Variants in TNS3 observed in about 807,000 individuals in gnomAD.
The protein encoded by TNS3 is tensin-3.
Under a neutral mutation model 140.9 loss-of-function variants are expected in TNS3, and 45 were observed. The ratio of observed to expected loss-of-function variants is 0.32; its 90% confidence interval spans 0.25 to 0.41. The LOEUF (loss-of-function observed/expected upper bound fraction) is 0.41, where lower values mean the gene tolerates loss of function less well. TNS3 is among the 10% of genes least tolerant of loss of function. TNS3 has a pLI of 1.00. For missense variants in TNS3, 1,716 were observed against 1,906.7 expected (o/e 0.90, Z 1.86); for synonymous variants, 815 against 788.4 (o/e 1.03, Z -0.56).
At position 47,511,891 on chromosome 7, in the gene TNS3, A is replaced by C. The variant is rs138142096; in HGVS notation, c.-152-4947T>G. 6.5e-3 allele frequency among the ~76,000 whole-genome samples: 991 copies of C among 152,320 alleles called. 15 individuals are homozygous for C. Among genetic ancestry groups the C allele is most frequent in the African/African-American group, 0.023 (945 of 41,568 alleles). On this transcript the variant is annotated intron_variant, in intron 2 of 30. Coordinates refer to ENST00000311160, the MANE Select transcript of TNS3 (RefSeq NM_022748.12). ...CGCTGCACCTCCCCCTGCAGAAGAC[A>C]CATGCCCTGCTGGCTGGGAGAGGCT...
chr7:47,482,414 T>C (rs1797454765), intron 3 of TNS3, among the ~76,000 whole-genome samples: 1 of 152,188 alleles, frequency 6.6e-6, no homozygotes, highest in Non-Finnish European at 1.5e-5. Flanking sequence ...AGGGGTCCTC[T>C]CTCAGGGCCC....
At chr7:47,575,009 A>G (rs541738176) in intron 1 of TNS3, among the ~76,000 whole-genome samples, 59 of 152,244 alleles carry the variant, frequency 3.9e-4, no homozygotes, top group Non-Finnish European at 6.5e-4. Flanking sequence ...TAAAACGACA[A>G]AGTTCATGTT....
chr7:47,290,880 A>G (rs1463223729), intron 27 of TNS3, among the ~76,000 whole-genome samples: 5 of 152,208 alleles, frequency 3.3e-5, no homozygotes, highest in African/African-American at 7.2e-5. Flanking sequence ...AAACCTGCAC[A>G]TGGGTGTTTA....
At chr7:47,283,509 T>A (rs906585968) in intron 28 of TNS3, among the ~76,000 whole-genome samples, 188 bp downstream of exon 28, 1 of 152,234 alleles carries the variant, frequency 6.6e-6, no homozygotes, top group Non-Finnish European at 1.5e-5. Context: ...AAACAAATGC[T>A]AAGAGTTCCT....
intron 8 of TNS3, among the ~76,000 whole-genome samples, chr7:47,431,488 G>A (rs567672417): frequency 2.0e-5 from 3 of 152,284 alleles, no homozygotes; most frequent in Non-Finnish European, 4.4e-5. Flanking sequence ...AGCTACTAGG[G>A]AGGCTGAGGC....
In TNS3 at chr7:47,580,303, G is replaced by A. The variant is rs114238644; in HGVS notation, c.-265+1748C>T. Among the ~76,000 whole-genome samples the A allele has an allele frequency of 7.8e-3, 1,182 of 152,256 alleles. 22 individuals are homozygous for A. Among genetic ancestry groups the A allele is most frequent in the African/African-American group, 0.027 (1,136 of 41,546 alleles). Reference sequence around the variant, plus strand: ...AGCCTTCCTTTGCCTCAGTTTACTCGTCTGTAAAATGGGGTAATCATAATC... The same window carrying A: ...AGCCTTCCTTTGCCTCAGTTTACTCATCTGTAAAATGGGGTAATCATAATC... On this transcript the variant is annotated intron_variant, in intron 1 of 30. Coordinates refer to ENST00000311160, the MANE Select transcript of TNS3 (RefSeq NM_022748.12).
intron 20 of TNS3, among the ~76,000 whole-genome samples, chr7:47,316,408 A>G (rs1394979615): frequency 1.3e-5 from 2 of 152,150 alleles, no homozygotes; most frequent in Non-Finnish European, 2.9e-5. Context: ...ATCTTCATTT[A>G]CAGACTCACT....
intron 16 of TNS3, among the ~76,000 whole-genome samples, chr7:47,375,129 T>A (rs920365425): frequency 6.6e-6 from 1 of 152,232 alleles, no homozygotes. Context: ...TCAACCCTCA[T>A]TCTGCAAATT....
intron 3 of TNS3, among the ~76,000 whole-genome samples, chr7:47,503,112 C>A (rs192798661): frequency 6.6e-6 from 1 of 152,162 alleles, no homozygotes; most frequent in Non-Finnish European, 1.5e-5. Context: ...TGCGTATGGT[C>A]CCTACGTGGG....
intron 20 of TNS3, among the ~76,000 whole-genome samples, chr7:47,317,897 C>A (rs1179008446): frequency 6.6e-6 from 1 of 152,152 alleles, no homozygotes; most frequent in Non-Finnish European, 1.5e-5. Context: ...GAGGCCACAG[C>A]CACCCACAGC....
In TNS3 at chr7:47,278,113, A is replaced by G. The variant is rs1342683226; in HGVS notation, c.4301T>C (p.Val1434Ala). Residue 1434 changes from valine to alanine, a missense_variant, in exon 31 of 31, where the codon GTA (valine) becomes GCA (alanine). Transcript: ENST00000311160. ...TGGGGAACCAATCATGACCTTTGAT[A>G]CGAAGTTGACAATGGCACTGGCAGG... ...EQPASAIVNF[V>A]SKVMIGSPKK... 6.2e-7 allele frequency: 1 copy of G among 1,614,174 alleles called. No homozygotes were observed. The highest frequency in any genetic ancestry group is 1.1e-5 in the South Asian group (1 of 91,088).
chr7:47,478,523 A>G (rs967012462), intron 4 of TNS3, among the ~76,000 whole-genome samples: 2 of 152,146 alleles, frequency 1.3e-5, no homozygotes, highest in Non-Finnish European at 2.9e-5. Flanking sequence ...CCACATATAT[A>G]TACCCTCAGA....
chr7:47,454,543 A>G (rs1439185978), intron 4 of TNS3, among the ~76,000 whole-genome samples: 4 of 152,118 alleles, frequency 2.6e-5, no homozygotes, highest in African/African-American at 9.7e-5. Context: ...GGAGGGTTGC[A>G]TGTGTTGTTT....
intron 2 of TNS3, among the ~76,000 whole-genome samples, chr7:47,513,218 G>A (rs374759020): frequency 9.9e-5 from 15 of 152,190 alleles, no homozygotes; most frequent in African/African-American, 3.6e-4. Flanking sequence ...CACCCAGGCT[G>A]GAGTGCAGTG....
intron 15 of TNS3, among the ~76,000 whole-genome samples, chr7:47,399,530 C>A (rs895391734): frequency 1.4e-4 from 22 of 152,156 alleles, no homozygotes; most frequent in Non-Finnish European, 2.8e-4. Context: ...CTGACTACAA[C>A]TGATTGATCT....
At chr7:47,449,752 C>T (rs1210995066) in intron 4 of TNS3, among the ~76,000 whole-genome samples, 7 of 152,124 alleles carry the variant, frequency 4.6e-5, no homozygotes, top group Admixed American at 4.6e-4. Context: ...ATTACAGGCG[C>T]CCGCCACCAC....
chr7:47,489,959 C>T (rs966405249), intron 3 of TNS3, among the ~76,000 whole-genome samples: 1 of 152,210 alleles, frequency 6.6e-6, no homozygotes, highest in East Asian at 1.9e-4. Flanking sequence ...CCAACACTTA[C>T]CACAGTCCTA....
chr7:47,496,649 C>T (rs1400449793), intron 3 of TNS3, among the ~76,000 whole-genome samples: 4 of 152,162 alleles, frequency 2.6e-5, no homozygotes, highest in South Asian at 2.1e-4. Context: ...GGAGAGTCCA[C>T]GCACACGCAG....
chr7:47,278,375 G>A (rs1784966448), intron 30 of TNS3, 155 bp from the exon 31 acceptor site: 2 of 769,238 alleles, frequency 2.6e-6, no homozygotes, highest in Non-Finnish European at 4.1e-6. Flanking sequence ...ACCTGTTCAT[G>A]CACTTTACCT....
Sources: gnomAD v4.1 joint callset for allele counts (sites outside exome capture counted in the v4.1 genomes callset) on GRCh38, gnomAD v4.1.1 for gene constraint, MANE v1.5 for transcripts, NCBI Gene and HGNC (gene_info 2026-07-23, HGNC 2026-07-21) for gene names.